LHFPL3: variants seen among roughly 807,000 people sequenced by gnomAD.
LHFPL3 encodes the protein LHFPL tetraspan subfamily member 3, also known as LHFPL tetraspan subfamily member 3 protein.
A neutral mutation model predicts 19.3 loss-of-function variants in LHFPL3; 5 were observed. That is an observed-to-expected ratio of 0.26 (90% CI 0.14 to 0.54). LHFPL3 has a LOEUF of 0.54. Among genes scored for constraint, LHFPL3 ranks in the 20% least tolerant of loss-of-function variants. The probability of loss-of-function intolerance (pLI) is 0.94; values close to 1 mark genes in which losing one functional copy is unlikely to be tolerated. For synonymous variants in LHFPL3, 133 were observed against 126.2 expected (o/e 1.05, Z -0.36); for missense variants, 249 against 307.4 (o/e 0.81, Z 1.42).
chr7:104,514,538 G>C (rs1338668243), intron 1 of LHFPL3, among the ~76,000 whole-genome samples: 1 of 152,170 alleles, frequency 6.6e-6, no homozygotes, highest in African/African-American at 2.4e-5. Flanking sequence ...TTAGAAACAT[G>C]ATGGGAGCAG....
intron 1 of LHFPL3, among the ~76,000 whole-genome samples, chr7:104,609,879 G>A (rs1411118717): frequency 6.6e-6 from 1 of 152,168 alleles, no homozygotes; most frequent in Non-Finnish European, 1.5e-5. Context: ...GGAGACGTTA[G>A]GGACTTACAA....
At chr7:104,532,099 T>G (rs1383712101) in intron 1 of LHFPL3, among the ~76,000 whole-genome samples, 1 of 151,974 alleles carries the variant, frequency 6.6e-6, no homozygotes, top group Non-Finnish European at 1.5e-5. Flanking sequence ...AGATAATCTG[T>G]TTTTTGCATT....
intron 2 of LHFPL3, among the ~76,000 whole-genome samples, chr7:104,816,703 C>T (rs1790564917): frequency 6.6e-6 from 1 of 152,216 alleles, no homozygotes; most frequent in Non-Finnish European, 1.5e-5. Flanking sequence ...CAGTGGCTGT[C>T]AGAGCTGAGC....
intron 1 of LHFPL3, among the ~76,000 whole-genome samples, chr7:104,383,674 C>G (rs562063633): frequency 1.3e-5 from 2 of 152,150 alleles, no homozygotes; most frequent in Non-Finnish European, 2.9e-5. Flanking sequence ...TGTAAGTTTG[C>G]TACTCTTTTT....
chr7:104,395,990 A>G (rs1388397003), intron 1 of LHFPL3, among the ~76,000 whole-genome samples: 3 of 152,198 alleles, frequency 2.0e-5, no homozygotes, highest in Non-Finnish European at 2.9e-5. Flanking sequence ...CACTGGTACC[A>G]ATGGCAAAAA....
At chr7:104,462,076 T>C (rs1352071440) in intron 1 of LHFPL3, among the ~76,000 whole-genome samples, 2 of 152,240 alleles carry the variant, frequency 1.3e-5, no homozygotes. Context: ...TGCTACTGAA[T>C]TTTGTACATC....
At chr7:104,525,606 G>GGT in intron 1 of LHFPL3, among the ~76,000 whole-genome samples, 1 of 111,986 alleles carries the variant, frequency 8.9e-6, no homozygotes, top group African/African-American at 3.4e-5. Flanking sequence ...TGTTTTTTGG[G>GGT]TTTTTTTTTT....
intron 1 of LHFPL3, among the ~76,000 whole-genome samples, chr7:104,728,923 G>A (rs1793638341): frequency 6.6e-6 from 1 of 152,102 alleles, no homozygotes; most frequent in Admixed American, 6.6e-5. Flanking sequence ...TGTTCAGAAA[G>A]CTTTGTATAA....
rs1418314503 is a variant in LHFPL3, at chr7:104,457,662, T to C, written c.445+128438T>C. Reference sequence around the variant, plus strand: ...GGATGGCTGGGTCAAATGGTATTTCTAGTTCTAGATCCCTGAGGAATCGCC... The same window carrying C: ...GGATGGCTGGGTCAAATGGTATTTCCAGTTCTAGATCCCTGAGGAATCGCC... On this transcript the variant is annotated intron_variant, in intron 1 of 2. Transcript: ENST00000424859. Among the ~76,000 whole-genome samples the C allele has an allele frequency of 8.2e-4, 120 of 147,112 alleles. 1 individual carries two copies. Among genetic ancestry groups the C allele is most frequent in the Non-Finnish European group, 1.5e-3 (98 of 66,916 alleles).
chr7:104,716,380 A>G (rs1199356765), intron 1 of LHFPL3, among the ~76,000 whole-genome samples: 1 of 152,106 alleles, frequency 6.6e-6, no homozygotes, highest in South Asian at 2.1e-4. Flanking sequence ...AGGAAGAAGT[A>G]AAATTTTCCT....
At chr7:104,389,892 T>G (rs942059817) in intron 1 of LHFPL3, among the ~76,000 whole-genome samples, 1 of 152,106 alleles carries the variant, frequency 6.6e-6, no homozygotes, top group Non-Finnish European at 1.5e-5. Flanking sequence ...ACCTAAACGT[T>G]AGAATTAAAA....
intron 1 of LHFPL3, among the ~76,000 whole-genome samples, chr7:104,454,474 C>T (rs1792502999): frequency 6.6e-6 from 1 of 152,136 alleles, no homozygotes; most frequent in Non-Finnish European, 1.5e-5. Flanking sequence ...TCCTTGCCTG[C>T]CACAAACTGT....
intron 2 of LHFPL3, among the ~76,000 whole-genome samples, chr7:104,856,517 G>A (rs1791510071): frequency 6.6e-6 from 1 of 152,054 alleles, no homozygotes; most frequent in Admixed American, 6.6e-5. Context: ...CAAAGTGCTG[G>A]GATTACAGGC....
chr7:104,365,787 C>CCAAAAAA (rs1554381840), intron 1 of LHFPL3, among the ~76,000 whole-genome samples: 2 of 49,972 alleles, frequency 4.0e-5, no homozygotes, highest in African/African-American at 1.6e-4. Context: ...GACTCCGTCT[C>CCAAAAAA]AAAAAAAAAA....
intron 1 of LHFPL3, among the ~76,000 whole-genome samples, chr7:104,653,851 G>T (rs1218130267): frequency 2.6e-5 from 4 of 152,076 alleles, no homozygotes; most frequent in Admixed American, 2.6e-4. Flanking sequence ...TTGTTGCTTG[G>T]CATCCCCCCA....
intron 1 of LHFPL3, among the ~76,000 whole-genome samples, chr7:104,540,197 G>A (rs1293025335): frequency 6.6e-6 from 1 of 152,090 alleles, no homozygotes; most frequent in East Asian, 1.9e-4. Context: ...AGGAGAATGA[G>A]ATTGTAACCT....
chr7:104,769,230 C>T (rs575525999), intron 2 of LHFPL3, among the ~76,000 whole-genome samples: 71 of 152,318 alleles, frequency 4.7e-4, no homozygotes, highest in Middle Eastern at 3.4e-3. Context: ...TTCTTACTGT[C>T]ATTAAGAAGG....
intron 1 of LHFPL3, among the ~76,000 whole-genome samples, chr7:104,697,814 A>G (rs1265937840): frequency 6.6e-6 from 1 of 152,260 alleles, no homozygotes; most frequent in East Asian, 1.9e-4. Flanking sequence ...CTCATGGAGC[A>G]ACAGCAACAG....
intron 2 of LHFPL3, among the ~76,000 whole-genome samples, chr7:104,836,494 C>A (rs1209103273): frequency 6.6e-6 from 1 of 152,128 alleles, no homozygotes; most frequent in African/African-American, 2.4e-5. Context: ...TACCAAGATG[C>A]CATCAAACTC....
Sources: gnomAD v4.1 joint callset for allele counts (sites outside exome capture counted in the v4.1 genomes callset) on GRCh38, gnomAD v4.1.1 for gene constraint, MANE v1.5 for transcripts, NCBI Gene and HGNC (gene_info 2026-07-23, HGNC 2026-07-21) for gene names.